Variants in WNT16 observed in about 807,000 individuals in gnomAD.
WNT16 encodes Wnt family member 16.
In WNT16, 20 loss-of-function variants were observed where a neutral mutation model predicts 35.4. The ratio of observed to expected loss-of-function variants is 0.56; its 90% CI spans 0.40 to 0.82. The LOEUF is 0.82. Ranked by LOEUF, WNT16 falls within the 40% of genes least tolerant of loss-of-function variation. The pLI, the probability that WNT16 is intolerant of heterozygous loss-of-function variation, is 0.00. For synonymous variants in WNT16, 180 were observed against 179.2 expected, an observed-to-expected ratio of 1.00 and a Z score of -0.03; for missense variants, 461 against 466.0, an observed-to-expected ratio of 0.99 and a Z score of 0.10.
At chr7:121,336,608 G>A (rs768082954) in intron 3 of WNT16, among the ~76,000 whole-genome samples, 3 of 152,086 alleles carry the variant, frequency 2.0e-5, no homozygotes, top group Non-Finnish European at 2.9e-5. Context: ...GAGCCCAGCC[G>A]GCTCAAAACA....
chr7:121,332,682 G>T (rs1554368046), intron 3 of WNT16, among the ~76,000 whole-genome samples: 1 of 151,990 alleles, frequency 6.6e-6, no homozygotes, highest in Non-Finnish European at 1.5e-5. Context: ...GTAAAGGAAA[G>T]TTTTTTTAGG....
intron 2 of WNT16, among the ~76,000 whole-genome samples, chr7:121,331,247 G>C (rs1014110262): frequency 6.6e-6 from 1 of 152,158 alleles, no homozygotes; most frequent in Non-Finnish European, 1.5e-5. Flanking sequence ...TGTTCTGTGA[G>C]AGCACATTTT....
rs1406665159 is a variant in WNT16 at position 121,329,180 on chromosome 7, G to A, written c.-113G>A. ...GGCCTTTTAATGTTGTATGCAAGGA[G>A]GAAGAGGGCGAGGGATAACTTGGTG... On this transcript the variant is annotated 5_prime_UTR_variant, in exon 1 of 4. Transcript: ENST00000222462. 7.0e-7 allele frequency: 1 copy of A among 1,434,580 alleles called. No individual in the cohort carries two copies. The highest frequency in any genetic ancestry group is 9.1e-7 in the Non-Finnish European group (1 of 1,098,000). 88.9% of individuals were successfully genotyped at this position (1,434,580 alleles called of 1,614,324 possible). A position where few individuals can be genotyped will look rare whatever the true frequency, so the allele number is the denominator to read the frequency against.
At chr7:121,334,805 A>T (rs1033793360) in intron 3 of WNT16, among the ~76,000 whole-genome samples, 18 of 152,100 alleles carry the variant, frequency 1.2e-4, no homozygotes, top group African/African-American at 3.9e-4. Flanking sequence ...TTCTGGGAAT[A>T]ATGTGACTTG....
chr7:121,340,247 T>A lies in WNT16; in HGVS notation c.*902T>A, dbSNP rs1156516590. On this transcript the variant is annotated 3_prime_UTR_variant, in exon 4 of 4. Coordinates refer to ENST00000222462, the MANE Select transcript of WNT16 (RefSeq NM_057168.2). The stretch of plus-strand genomic sequence containing the variant: ...ATTGTAAAGAAAAGCACCCTTTAAA[T>A]GTGTAAAGACAGTGTTTTGTAAAGA... 6.6e-6 allele frequency: 1 copy of A among 152,164 alleles called. No individual in the cohort carries two copies. The highest frequency in any genetic ancestry group is 2.4e-5 in the African/African-American group (1 of 41,446). The allele number at this position is 152,164 out of a possible 1,614,324, so 9.4% of individuals were successfully genotyped here.
At chr7:121,325,432 G>T (rs139801412), upstream of WNT16, 26 of 1,613,576 alleles carry the variant, frequency 1.6e-5, no homozygotes, top group African/African-American at 3.3e-4. Context: ...CTCACCACTT[G>T]CCTCAGGGAG....
intron 3 of WNT16, among the ~76,000 whole-genome samples, chr7:121,333,224 G>A (rs182254803): frequency 4.0e-4 from 61 of 151,938 alleles, no homozygotes; most frequent in East Asian, 1.3e-3. Flanking sequence ...TATATGTTGC[G>A]TTTGTTTTCC....
At chr7:121,338,258 C>T (rs570824358) in intron 3 of WNT16, among the ~76,000 whole-genome samples, 10 of 152,270 alleles carry the variant, frequency 6.6e-5, no homozygotes, top group Middle Eastern at 3.4e-3. Flanking sequence ...ACCCCCTGCC[C>T]GACCAGTGAA....
At chr7:121,327,238 C>T (rs1474181260), upstream of WNT16, among the ~76,000 whole-genome samples, 1 of 151,978 alleles carries the variant, frequency 6.6e-6, no homozygotes, top group African/African-American at 2.4e-5. Context: ...ATAGTGTACA[C>T]TCAATAAACA....
intron 3 of WNT16, among the ~76,000 whole-genome samples, chr7:121,338,550 C>A (rs891204450): frequency 6.6e-6 from 1 of 152,158 alleles, no homozygotes; most frequent in Non-Finnish European, 1.5e-5. Flanking sequence ...CTACCACATT[C>A]AAAATTAGAC....
upstream of WNT16, among the ~76,000 whole-genome samples, chr7:121,328,677 G>A (rs1459226851): frequency 3.3e-5 from 5 of 152,190 alleles, no homozygotes; most frequent in African/African-American, 1.2e-4. Context: ...TTGGTGGGAT[G>A]GGTGGGACTC....
chr7:121,330,756 TAG>T (rs1793333855), intron 2 of WNT16, among the ~76,000 whole-genome samples: 1 of 113,040 alleles, frequency 8.8e-6, no homozygotes, highest in Admixed American at 8.5e-5. Flanking sequence ...AGAAAAAAAA[TAG>T]ATGTGTTTTT....
intron 3 of WNT16, among the ~76,000 whole-genome samples, chr7:121,336,507 C>A (rs1041356706): frequency 1.3e-5 from 2 of 152,144 alleles, no homozygotes; most frequent in Non-Finnish European, 2.9e-5. Flanking sequence ...GAAAATCAGT[C>A]TCTCTTTTTA....
intron 3 of WNT16, among the ~76,000 whole-genome samples, chr7:121,332,414 A>G (rs1025660258): frequency 6.6e-6 from 1 of 152,190 alleles, no homozygotes; most frequent in African/African-American, 2.4e-5. Context: ...TAAAACTTTG[A>G]TATAATATAA....
intron 2 of WNT16, among the ~76,000 whole-genome samples, chr7:121,331,362 T>G (rs111629912): frequency 0.011 from 1,747 of 152,318 alleles, 13 homozygotes; most frequent in Middle Eastern, 0.041. Flanking sequence ...GAGCTATGAC[T>G]GTCAACTGTG....
At chr7:121,330,479 G>A (rs1793325175) in intron 2 of WNT16, among the ~76,000 whole-genome samples, 1 of 152,204 alleles carries the variant, frequency 6.6e-6, no homozygotes, top group African/African-American at 2.4e-5. Flanking sequence ...TAGTGACTTG[G>A]TAAGGATAAA....
At chr7:121,338,252 C>T (rs866653419) in intron 3 of WNT16, among the ~76,000 whole-genome samples, 2 of 152,178 alleles carry the variant, frequency 1.3e-5, no homozygotes, top group Admixed American at 1.3e-4. Flanking sequence ...CACCCCACCC[C>T]CTGCCCGACC....
intron 3 of WNT16, among the ~76,000 whole-genome samples, chr7:121,337,155 G>A (rs964100827): frequency 3.9e-5 from 6 of 152,046 alleles, no homozygotes; most frequent in African/African-American, 1.4e-4. Flanking sequence ...TCATATAATC[G>A]CAGGACACCT....
rs201247158 is a variant in WNT16 at position 121,331,817 on chromosome 7, C to A, written c.486C>A (p.Gly162=). The part of the protein sequence containing the change: ...TLQNGGSASE[G]WHWGGCSDDV... ...AGAACGGCGGCTCAGCAAGTGAAGG[C>A]TGGCACTGGGGGGGCTGCTCCGATG... The change falls in exon 3 of 4, where the codon GGC becomes GGA. Residue 162 remains glycine, a synonymous_variant. Coordinates refer to ENST00000222462, the MANE Select transcript of WNT16 (RefSeq NM_057168.2). The A allele has an allele frequency of 5.0e-6, 8 of 1,614,188 alleles. No homozygotes were observed. Among genetic ancestry groups the A allele is most frequent in the Non-Finnish European group, 5.9e-6 (7 of 1,180,038 alleles).
Sources: allele counts gnomAD v4.1 joint callset (sites outside exome capture counted in the v4.1 genomes callset), GRCh38; gene constraint gnomAD v4.1.1; transcripts MANE v1.5; gene names NCBI Gene and HGNC (gene_info 2026-07-23, HGNC 2026-07-21).